FBXL20: variants seen among roughly 807,000 people sequenced by gnomAD.
FBXL20 encodes F-box and leucine rich repeat protein 20.
A neutral mutation model predicts 64.0 loss-of-function variants in FBXL20; 11 were observed. The observed-to-expected ratio is 0.17, with a 90% CI of 0.11 to 0.28. The LOEUF (loss-of-function observed/expected upper bound fraction) is 0.28, where lower values mean the gene tolerates loss of function less well. FBXL20 is among the 10% of genes least tolerant of loss of function. The pLI is 1.00. For missense variants in FBXL20, 303 were observed against 526.2 expected (o/e 0.58, Z 4.15); for synonymous variants, 184 against 189.0 (o/e 0.97, Z 0.22).
In FBXL20 at chr17:39,270,876, A is replaced by C. The variant is rs80325836; in HGVS notation, c.828-20T>G. 12 of 1,523,900 alleles carry C rather than the reference A, an allele frequency of 7.9e-6. No homozygotes were observed. Among genetic ancestry groups the C allele is most frequent in the Non-Finnish European group, 1.1e-5 (12 of 1,117,670 alleles). 94.4% of individuals were successfully genotyped at this position (1,523,900 alleles called of 1,614,324 possible). On this transcript the variant is annotated intron_variant, in intron 10 of 14. Coordinates refer to ENST00000264658, the MANE Select transcript of FBXL20 (RefSeq NM_032875.3). ...AATATTCTGTTAAAAAAAAAAAAAA[A>C]ACAGTGAAAGTCAAGCTCTTGGTCC...
At position 39,255,009 on chromosome 17, in the gene FBXL20, G is replaced by C. The variant is rs2144314812; in HGVS notation, c.*6451C>G. ...CTCTTAACATCCCACAGGGGAGCTTGCCCTAATTCTTTTTCTCCTGAAAAT... is the reference window on the plus strand; with the variant it reads ...CTCTTAACATCCCACAGGGGAGCTTCCCCTAATTCTTTTTCTCCTGAAAAT... On this transcript the variant is annotated 3_prime_UTR_variant, in exon 15 of 15. Transcript: ENST00000264658. The C allele has an allele frequency of 6.6e-6, 1 of 152,528 alleles. No individual in the cohort carries two copies. The highest frequency in any genetic ancestry group is 1.9e-4 in the East Asian group (1 of 5,310). 9.4% of individuals were successfully genotyped at this position (152,528 alleles called of 1,614,324 possible).
In FBXL20 at chr17:39,392,129, T is replaced by G. The variant is rs200701240; in HGVS notation, c.42+9232A>C. On this transcript the variant is annotated intron_variant, in intron 1 of 14. Coordinates refer to ENST00000264658, the MANE Select transcript of FBXL20 (RefSeq NM_032875.3). ...TCTAGCCCAGGCGACAGTGCGAGAC[T>G]GAGAAGAAAAAAGGAAAAGAAAGAA... Among the ~76,000 whole-genome samples the G allele has an allele frequency of 5.3e-5, 8 of 151,016 alleles. No homozygotes were observed. The East Asian group carries it at 1.6e-3, about 30-fold the overall frequency.
intron 2 of FBXL20, among the ~76,000 whole-genome samples, chr17:39,324,955 G>A (rs2047396653): frequency 6.6e-6 from 1 of 152,214 alleles, no homozygotes; most frequent in African/African-American, 2.4e-5. Context: ...TATAATCCTA[G>A]CACTTTGGGA....
At chr17:39,358,592 G>C (rs973449082) in intron 1 of FBXL20, among the ~76,000 whole-genome samples, 8 of 152,002 alleles carry the variant, frequency 5.3e-5, no homozygotes, top group Admixed American at 5.2e-4. Flanking sequence ...TAAGGCAGGA[G>C]AATCACTAGA....
At chr17:39,375,036 C>T (rs145223502) in intron 1 of FBXL20, among the ~76,000 whole-genome samples, 5,851 of 152,206 alleles carry the variant, frequency 0.038, 176 homozygotes, top group Non-Finnish European at 0.063. Flanking sequence ...CCACCTGCCT[C>T]GGCCTCCCAA....
intron 1 of FBXL20, among the ~76,000 whole-genome samples, chr17:39,353,704 C>T (rs986244908): frequency 9.2e-5 from 14 of 151,866 alleles, no homozygotes; most frequent in Non-Finnish European, 1.2e-4. Context: ...CTCACTGCAA[C>T]CTCCACCTCC....
chr17:39,328,248 CAAAAAAAAAAAAA>C lies in FBXL20; in HGVS notation c.104+14919_104+14931del, dbSNP rs141259755. 4.6e-3 allele frequency among the ~76,000 whole-genome samples: 253 copies of C among 55,118 alleles called. 2 individuals are homozygous for C. Among genetic ancestry groups the C allele is most frequent in the African/African-American group, 0.024 (235 of 9,604 alleles). The allele number at this position is 55,118 out of a possible 152,430, so 36.2% of individuals were successfully genotyped here. On this transcript the variant is annotated intron_variant, in intron 2 of 14. Coordinates refer to ENST00000264658, the MANE Select transcript of FBXL20 (RefSeq NM_032875.3). ...TGGGCAACAGAGCGAAACTCTGCCTCAAAAAAAAAAAAAAAAAAAAAAAAAAAAGACTGTAGTT... is the reference window on the plus strand; with the variant it reads ...TGGGCAACAGAGCGAAACTCTGCCTCAAAAAAAAAAAAAAAGACTGTAGTT...
At chr17:39,272,704 A>C (rs2046855937) in intron 10 of FBXL20, among the ~76,000 whole-genome samples, 1 of 14,164 alleles carries the variant, frequency 7.1e-5, no homozygotes, top group South Asian at 0.011. Flanking sequence ...TCTATCTCAA[A>C]AAAAAAAAAA....
Position 39,258,667 on chromosome 17 carries a change from C to G in FBXL20, c.*2793G>C, listed in dbSNP as rs1409462031. 1 of 152,208 alleles carries G rather than the reference C, an allele frequency of 6.6e-6. No individual in the cohort carries two copies. The highest frequency in any genetic ancestry group is 1.5e-5 in the Non-Finnish European group (1 of 68,036). 9.4% of individuals were successfully genotyped at this position (152,208 alleles called of 1,614,324 possible). A position where few individuals can be genotyped will look rare whatever the true frequency, so the allele number is the denominator to read the frequency against. On this transcript the variant is annotated 3_prime_UTR_variant, in exon 15 of 15. Coordinates refer to ENST00000264658, the MANE Select transcript of FBXL20 (RefSeq NM_032875.3). ...ACTTATCTTTTAAGTAAAGAAGTAC[C>G]TTAATAGCCTCAACTTAGGCAACTC...
At chr17:39,266,207 T>C (rs192668995) in intron 12 of FBXL20, among the ~76,000 whole-genome samples, 11 of 150,522 alleles carry the variant, frequency 7.3e-5, no homozygotes, top group Non-Finnish European at 5.9e-5. Context: ...TAGCTGGGAT[T>C]ACAGGCTAGT....
At chr17:39,393,852 C>T (rs1325017700) in intron 1 of FBXL20, among the ~76,000 whole-genome samples, 4 of 152,132 alleles carry the variant, frequency 2.6e-5, no homozygotes, top group African/African-American at 9.7e-5. Context: ...ATATTAAATA[C>T]GTATCTTTGT....
chr17:39,322,971 AT>A (rs773294739), intron 2 of FBXL20, among the ~76,000 whole-genome samples: 11,658 of 87,426 alleles, frequency 0.13, 470 homozygotes, highest in African/African-American at 0.19. Flanking sequence ...CGCCCAGCTA[AT>A]TTTTTTTTTT....
chr17:39,380,346 A>G (rs1204852747), intron 1 of FBXL20, among the ~76,000 whole-genome samples: 1 of 152,154 alleles, frequency 6.6e-6, no homozygotes, highest in East Asian at 1.9e-4. Flanking sequence ...CCGAATTCCC[A>G]CCAATAACTC....
Position 39,298,990 on chromosome 17 carries a change from C to G in FBXL20, c.329G>C (p.Arg110Thr). The G allele has an allele frequency of 6.2e-7, 1 of 1,609,568 alleles. No homozygotes were observed. Among genetic ancestry groups the G allele is most frequent in the Non-Finnish European group, 8.5e-7 (1 of 1,176,714 alleles). Residue 110 changes from arginine to threonine, a missense_variant and splice_region_variant, in exon 5 of 15, where the codon AGA becomes ACA. Around this residue, in one of 3 missense-constraint regions of FBXL20, gnomAD observed 246 missense variants for 422.6 expected, o/e 0.58. Coordinates refer to ENST00000264658, the MANE Select transcript of FBXL20 (RefSeq NM_032875.3). ...GCLGVGDNAL[R>T]TFAQNCRNIE... ...GATTAATCAATAGTTATGTTTTTAC[C>G]TTAATGCATTGTCTCCCACTCCAAG...
rs1434296554 is a variant in FBXL20 at position 39,303,621 on chromosome 17, A to G, written c.123T>C (p.Asp41=). The change falls in exon 3 of 15, where the codon GAT becomes GAC. Residue 41 remains aspartate, a synonymous_variant. Coordinates refer to ENST00000264658, the MANE Select transcript of FBXL20 (RefSeq NM_032875.3). ...ELLLRIFSFL[D]VVTLCRCAQV... Reference sequence around the variant, plus strand: ...GAGCACAGCGGCACAGGGTAACAACATCTAGAAAAGAAAATATCCTAAAAA... The same window carrying G: ...GAGCACAGCGGCACAGGGTAACAACGTCTAGAAAAGAAAATATCCTAAAAA... 9.9e-6 allele frequency: 16 copies of G among 1,610,768 alleles called. No individual in the cohort carries two copies. Among genetic ancestry groups the G allele is most frequent in the Middle Eastern group, 1.6e-4 (1 of 6,082 alleles).
intron 2 of FBXL20, among the ~76,000 whole-genome samples, chr17:39,311,037 C>T (rs774676083): frequency 6.6e-6 from 1 of 151,588 alleles, no homozygotes; most frequent in African/African-American, 2.4e-5. Context: ...GTGGTATGCA[C>T]GTATATGTAG....
chr17:39,356,835 T>TA (rs1443085877), intron 1 of FBXL20, among the ~76,000 whole-genome samples: 3 of 151,262 alleles, frequency 2.0e-5, no homozygotes, highest in East Asian at 2.0e-4. Context: ...TTTTTTTTTT[T>TA]AATTTTGCAG....
chr17:39,391,358 G>C (rs1001759544), intron 1 of FBXL20, among the ~76,000 whole-genome samples: 3 of 151,852 alleles, frequency 2.0e-5, no homozygotes, highest in Middle Eastern at 6.8e-3. Flanking sequence ...TTTAATAGCA[G>C]ATGTAAGCAA....
intron 2 of FBXL20, among the ~76,000 whole-genome samples, chr17:39,315,817 GAGAGAGAGAGAC>G (rs1391037142): frequency 8.0e-6 from 1 of 124,356 alleles, no homozygotes; most frequent in African/African-American, 3.8e-5. Flanking sequence ...GAGAGAGAGT[GAGAGAGAGAGAC>G]AGAGAGAGAG....
Sources: allele counts gnomAD v4.1 joint callset (sites outside exome capture counted in the v4.1 genomes callset), GRCh38; gene constraint gnomAD v4.1.1; regional missense constraint gnomAD v4.1.1; transcripts MANE v1.5; gene names NCBI Gene and HGNC (gene_info 2026-07-23, HGNC 2026-07-21).